Variants in DGAT2L6 observed in about 807,000 individuals in gnomAD.
DGAT2L6 encodes the protein diacylglycerol O-acyltransferase 2-like protein 6.
DGAT2L6 carries 22 observed loss-of-function variants against 25.5 expected under a neutral mutation model. That is an observed-to-expected ratio of 0.86 (90% CI 0.62 to 1.23). The LOEUF (loss-of-function observed/expected upper bound fraction) is 1.23, where lower values mean the gene tolerates loss of function less well. Ranked by LOEUF, DGAT2L6 falls within the 50% of genes most tolerant of loss-of-function variation. DGAT2L6 has a pLI of 0.00. For missense variants in DGAT2L6, 287 were observed against 253.2 expected (o/e 1.13, Z -0.91); for synonymous variants, 100 against 94.7 (o/e 1.06, Z -0.32).
At chrX:70,181,143 T>C (rs147230978) in intron 1 of DGAT2L6, among the ~76,000 whole-genome samples, 160 of 112,605 alleles carry the variant, frequency 1.4e-3, no homozygotes, top group Middle Eastern at 0.014. Context: ...TTTTCCTCAA[T>C]GGCTGCACAA....
chrX:70,182,804 C>T (rs2085347736), intron 1 of DGAT2L6, among the ~76,000 whole-genome samples: 1 of 111,744 alleles, frequency 8.9e-6, no homozygotes, highest in African/African-American at 3.3e-5. Context: ...CAGGTGCCCG[C>T]CACGATGCCC....
intron 1 of DGAT2L6, among the ~76,000 whole-genome samples, chrX:70,189,936 C>A (rs1408524919): frequency 1.8e-5 from 2 of 111,391 alleles, no homozygotes; most frequent in African/African-American, 6.5e-5. Flanking sequence ...AATAAACAAG[C>A]TGATTCAAAA....
chrX:70,196,572 A>G (rs1394695274), intron 1 of DGAT2L6, among the ~76,000 whole-genome samples: 1 of 109,670 alleles, frequency 9.1e-6, no homozygotes, highest in Non-Finnish European at 1.9e-5. Context: ...AAAAATCTTC[A>G]TGACATGAGG....
At chrX:70,204,234 T>C in intron 5 of DGAT2L6, 71 bp from the exon 6 acceptor site, 1 of 957,820 alleles carries the variant, frequency 1.0e-6, no homozygotes, top group South Asian at 2.2e-5. Context: ...TTGGAGAGGT[T>C]TCCCACCTTG....
At position 70,204,667 on chromosome X, in the gene DGAT2L6, A is replaced by G. The variant is rs945921722; in HGVS notation, c.859+151A>G. 11 of 659,750 alleles carry G rather than the reference A, an allele frequency of 1.7e-5. No individual in the cohort carries two copies. The Admixed American group carries it at 4.2e-4, about 25-fold the overall frequency. The allele number at this position is 659,750 out of a possible 1,213,427, so 54.4% of individuals were successfully genotyped here. On this transcript the variant is annotated intron_variant, in intron 6 of 6. Transcript: ENST00000333026. ...GGGTGGGTAGGACAACTAAACAGAT[A>G]AGAGTTGTGGCCATTCATGGATGTG...
At chrX:70,193,783 G>A (rs1395692113) in intron 1 of DGAT2L6, among the ~76,000 whole-genome samples, 1 of 111,993 alleles carries the variant, frequency 8.9e-6, no homozygotes, top group Non-Finnish European at 1.9e-5. Context: ...AAAGTCCACA[G>A]CTAACATCAT....
chrX:70,178,001 T>C (rs1602685474), intron 1 of DGAT2L6, among the ~76,000 whole-genome samples: 1 of 106,868 alleles, frequency 9.4e-6, no homozygotes, highest in Non-Finnish European at 1.9e-5. Context: ...CCAGGCATGG[T>C]GGCATGCACT....
chrX:70,196,198 T>G (rs1249495195), intron 1 of DGAT2L6, among the ~76,000 whole-genome samples: 1 of 106,392 alleles, frequency 9.4e-6, no homozygotes, highest in Non-Finnish European at 1.9e-5. Flanking sequence ...ACAGGGGAGG[T>G]CAGGGGCAGT....
intron 1 of DGAT2L6, among the ~76,000 whole-genome samples, chrX:70,187,106 A>G (rs753729656): frequency 8.9e-6 from 1 of 112,092 alleles, no homozygotes. Flanking sequence ...CTAGAAAAAA[A>G]TCAAGTCCTG....
intron 1 of DGAT2L6, among the ~76,000 whole-genome samples, chrX:70,196,978 CTTCTTTTTTT>C (rs1334046210): frequency 1.8e-5 from 2 of 110,613 alleles, no homozygotes; most frequent in Non-Finnish European, 3.8e-5. Flanking sequence ...GTTTTTTTTT[CTTCTTTTTTT>C]TTCTTTTCTT....
intron 1 of DGAT2L6, among the ~76,000 whole-genome samples, chrX:70,191,351 G>A (rs2085374916): frequency 8.9e-6 from 1 of 111,752 alleles, no homozygotes. Flanking sequence ...TCCTGGAGCT[G>A]ATGTATACAA....
intron 1 of DGAT2L6, among the ~76,000 whole-genome samples, chrX:70,184,031 T>A (rs1407875248): frequency 9.0e-6 from 1 of 110,904 alleles, no homozygotes; most frequent in Non-Finnish European, 1.9e-5. Context: ...CAGAGTGAGA[T>A]CCTGTCTCAA....
intron 1 of DGAT2L6, among the ~76,000 whole-genome samples, chrX:70,182,448 C>G (rs1300762205): frequency 1.1e-5 from 1 of 90,074 alleles, no homozygotes; most frequent in Non-Finnish European, 2.1e-5. Flanking sequence ...GTGCTTACTT[C>G]TGGAGGTCTT....
In DGAT2L6 at chrX:70,200,447, G is replaced by A. The variant is rs201886685; in HGVS notation, c.460G>A (p.Val154Met). 51 of 1,208,778 alleles carry A rather than the reference G, an allele frequency of 4.2e-5. No individual in the cohort carries two copies. In the Middle Eastern group the frequency reaches 6.9e-4, roughly 16 times the overall value. Residue 154 changes from valine to methionine, a missense_variant, in exon 4 of 7, where the codon GTG (valine) becomes ATG (methionine). Val to Met is a conservative substitution (Grantham distance 21). Coordinates refer to ENST00000333026, the MANE Select transcript of DGAT2L6 (RefSeq NM_198512.3). Reference sequence around the variant, plus strand: ...TTGGATCCCAATTGTGCGAGAATATGTGATGTCAATGGGTGAGTATAAGAA... The same window carrying A: ...TTGGATCCCAATTGTGCGAGAATATATGATGTCAATGGGTGAGTATAAGAA... The part of the protein sequence containing the change: ...IFWIPIVREY[V>M]MSMGVCPVSS...
chrX:70,201,414 G>A (rs142487279), intron 4 of DGAT2L6, among the ~76,000 whole-genome samples: 47 of 111,861 alleles, frequency 4.2e-4, no homozygotes, highest in African/African-American at 1.2e-3. Context: ...TCAGGGGTCT[G>A]CCTACTCTCC....
At chrX:70,198,760 G>C (rs968372003) in intron 1 of DGAT2L6, among the ~76,000 whole-genome samples, 2 of 111,376 alleles carry the variant, frequency 1.8e-5, no homozygotes, top group Admixed American at 1.9e-4. Context: ...GGATGGTCTC[G>C]ATCTCCTGAC....
In DGAT2L6 at chrX:70,177,563, A is replaced by T; in HGVS notation, c.-20A>T. ...ACCTTCTGGTTAGGCTTCTTGCCACAACAGAACAGCACCATAACCATGGCT... is the reference window on the plus strand; with the variant it reads ...ACCTTCTGGTTAGGCTTCTTGCCACTACAGAACAGCACCATAACCATGGCT... On this transcript the variant is annotated 5_prime_UTR_variant, in exon 1 of 7. Coordinates refer to ENST00000333026, the MANE Select transcript of DGAT2L6 (RefSeq NM_198512.3). 1 of 1,205,954 alleles carries T rather than the reference A, an allele frequency of 8.3e-7. No individual in the cohort carries two copies. The highest frequency in any genetic ancestry group is 1.1e-6 in the Non-Finnish European group (1 of 890,776).
At chrX:70,181,321 C>T (rs2085342557) in intron 1 of DGAT2L6, among the ~76,000 whole-genome samples, 2 of 112,381 alleles carry the variant, frequency 1.8e-5, no homozygotes, top group Non-Finnish European at 3.8e-5. Flanking sequence ...AGCATCTTTT[C>T]ATGTGCCTGT....
At chrX:70,200,587 G>A (rs779619759) in intron 4 of DGAT2L6, 128 bp downstream of exon 4, 23 of 585,667 alleles carry the variant, frequency 3.9e-5, no homozygotes, top group African/African-American at 3.2e-4. Context: ...CCCTGGGCCC[G>A]TAACAGGAGT....
Sources: allele counts gnomAD v4.1 joint callset (sites outside exome capture counted in the v4.1 genomes callset), GRCh38; gene constraint gnomAD v4.1.1; transcripts MANE v1.5; gene names NCBI Gene and HGNC (gene_info 2026-07-23, HGNC 2026-07-21).